Variants in CBFA2T2 observed in about 807,000 individuals in gnomAD.
CBFA2T2 encodes the protein CBFA2/RUNX1 partner transcriptional co-repressor 2.
In CBFA2T2, 11 loss-of-function variants were observed where a neutral mutation model predicts 62.2. The observed-to-expected ratio is 0.18, with a 90% CI of 0.11 to 0.29. CBFA2T2 has a LOEUF of 0.29. Ranked by LOEUF, CBFA2T2 falls within the 10% of genes least tolerant of loss-of-function variation. The pLI, the probability that CBFA2T2 is intolerant of heterozygous loss-of-function variation, is 1.00. For missense variants in CBFA2T2, 592 were observed against 774.1 expected (o/e 0.76, Z 2.79); for synonymous variants, 295 against 287.5 (o/e 1.03, Z -0.27).
chr20:33,522,868 C>T (rs2011771587), intron 1 of CBFA2T2, among the ~76,000 whole-genome samples: 1 of 152,164 alleles, frequency 6.6e-6, no homozygotes, highest in South Asian at 2.1e-4. Context: ...TAAGGTTTAA[C>T]TTCTTCAGCT....
intron 1 of CBFA2T2, among the ~76,000 whole-genome samples, chr20:33,525,416 C>T (rs752153531): frequency 6.6e-6 from 1 of 151,968 alleles, no homozygotes; most frequent in Non-Finnish European, 1.5e-5. Context: ...GAACTCCCGA[C>T]CTCAGGTGAT....
At position 33,629,859 on chromosome 20, in the gene CBFA2T2, G is replaced by C; in HGVS notation, c.1173G>C (p.Gly391=). 3.7e-6 allele frequency: 6 copies of C among 1,614,102 alleles called. No homozygotes were observed. Among genetic ancestry groups the C allele is most frequent in the Non-Finnish European group, 5.1e-6 (6 of 1,180,020 alleles). ...AAAACACAGAGCTGAGGAAAACGGG[G>C]ACCGAGTTGGTCTCCAGGCAGCACA... The part of the protein sequence containing the change: ...YNENTELRKT[G]TELVSRQHSP... The change falls in exon 8 of 11, where the codon GGG becomes GGC. Residue 391 remains glycine (G), a synonymous_variant. Coordinates refer to ENST00000342704, the MANE Select transcript of CBFA2T2 (RefSeq NM_001032999.3).
rs767694148 is a variant in CBFA2T2, at chr20:33,523,685, GT to G, written c.34+33388del. Among the ~76,000 whole-genome samples, 13 of 150,414 alleles carry G rather than the reference GT, an allele frequency of 8.6e-5. No homozygotes were observed. The East Asian group carries it at 2.6e-3, about 30-fold the overall frequency. ...TTATTCCCTATGTGTTGTGTTTTTT[GT>G]TTTGTTTTCTTTTTTTCCCAGGATG... On this transcript the variant is annotated intron_variant, in intron 1 of 10. Coordinates refer to ENST00000342704, the MANE Select transcript of CBFA2T2 (RefSeq NM_001032999.3).
At position 33,649,298 on chromosome 20, in the gene CBFA2T2, C is replaced by G. The variant is rs1290093741; in HGVS notation, c.*4652C>G. On this transcript the variant is annotated 3_prime_UTR_variant, in exon 11 of 11. Transcript: ENST00000342704. ...GTCGAGAGCAGCCCTGCCCAGATTG[C>G]GGTGGGGGCTGTGCCAGCGGCTCCG... is the stretch of plus-strand genomic sequence containing the variant. 6.6e-6 allele frequency: 1 copy of G among 152,632 alleles called. No homozygotes were observed. The allele number at this position is 152,632 out of a possible 1,614,324, so 9.5% of individuals were successfully genotyped here. A position where few individuals can be genotyped will look rare whatever the true frequency, so the allele number is the denominator to read the frequency against.
intron 1 of CBFA2T2, among the ~76,000 whole-genome samples, chr20:33,553,201 C>T (rs1237857372): frequency 6.6e-6 from 1 of 152,008 alleles, no homozygotes; most frequent in Non-Finnish European, 1.5e-5. Flanking sequence ...TGTAAAGCTA[C>T]GTTGTTGCTA....
chr20:33,580,669 G>A (rs1601002590), intron 1 of CBFA2T2, among the ~76,000 whole-genome samples: 1 of 152,108 alleles, frequency 6.6e-6, no homozygotes, highest in African/African-American at 2.4e-5. Context: ...TGTGCAGTGT[G>A]GCAATACCCT....
intron 1 of CBFA2T2, among the ~76,000 whole-genome samples, chr20:33,550,902 C>A (rs563357155): frequency 3.3e-5 from 5 of 152,056 alleles, no homozygotes; most frequent in Non-Finnish European, 2.9e-5. Context: ...GGATTACAAG[C>A]GTGAGCCACC....
At position 33,642,721 on chromosome 20, in the gene CBFA2T2, G is replaced by A. The variant is rs1427982553; in HGVS notation, c.1489-1626G>A. On this transcript the variant is annotated intron_variant, in intron 10 of 10. Coordinates refer to ENST00000342704, the MANE Select transcript of CBFA2T2 (RefSeq NM_001032999.3). ...CTCTTCTCTATGTTTAACTGTGTATGTATAGCCATCCATATCAGTATCTGT... is the reference window on the plus strand; with the variant it reads ...CTCTTCTCTATGTTTAACTGTGTATATATAGCCATCCATATCAGTATCTGT... 2.0e-5 allele frequency among the ~76,000 whole-genome samples: 3 copies of A among 152,264 alleles called. No homozygotes were observed. The East Asian group carries it at 5.8e-4, about 29-fold the overall frequency.
chr20:33,498,439 A>T (rs1446876413), intron 1 of CBFA2T2, among the ~76,000 whole-genome samples: 1 of 150,152 alleles, frequency 6.7e-6, no homozygotes, highest in Non-Finnish European at 1.5e-5. Flanking sequence ...TTTAGTGGAG[A>T]TGGGGGTTTC....
intron 1 of CBFA2T2, among the ~76,000 whole-genome samples, chr20:33,505,389 G>T (rs905680880): frequency 2.0e-5 from 3 of 152,156 alleles, no homozygotes; most frequent in Non-Finnish European, 2.9e-5. Context: ...TTTGAACACT[G>T]TATGTTACCT....
rs1415422154 is a variant in CBFA2T2, at chr20:33,606,865, C to G, written c.35-91C>G. ...TATTCAGCCTATTATACCAAGCAGTCCTCTAGGGAAGTATGTTGGTATTTC... is the reference window on the plus strand; with the variant it reads ...TATTCAGCCTATTATACCAAGCAGTGCTCTAGGGAAGTATGTTGGTATTTC... On this transcript the variant is annotated intron_variant, in intron 1 of 10. Coordinates refer to ENST00000342704, the MANE Select transcript of CBFA2T2 (RefSeq NM_001032999.3). 9 of 1,260,036 alleles carry G rather than the reference C, an allele frequency of 7.1e-6. No homozygotes were observed. In the East Asian group the frequency reaches 2.1e-4, roughly 29 times the overall value. 78.1% of individuals were successfully genotyped at this position (1,260,036 alleles called of 1,614,324 possible).
At chr20:33,568,775 A>G (rs17124773) in intron 1 of CBFA2T2, among the ~76,000 whole-genome samples, 2,241 of 152,212 alleles carry the variant, frequency 0.015, 51 homozygotes, top group African/African-American at 0.052. Context: ...TTACTTCCAT[A>G]TGGGTCTATG....
chr20:33,606,349 C>T (rs1449052618), intron 1 of CBFA2T2, among the ~76,000 whole-genome samples: 1 of 152,142 alleles, frequency 6.6e-6, no homozygotes, highest in Admixed American at 6.6e-5. Context: ...ACCTCTTGAC[C>T]TTGTTTCCTC....
At chr20:33,538,146 A>G (rs2012317842) in intron 1 of CBFA2T2, among the ~76,000 whole-genome samples, 1 of 152,034 alleles carries the variant, frequency 6.6e-6, no homozygotes, top group Non-Finnish European at 1.5e-5. Flanking sequence ...TCTCAGTAGT[A>G]TTTTTGTGTT....
intron 1 of CBFA2T2, among the ~76,000 whole-genome samples, chr20:33,582,890 G>A (rs2014184480): frequency 6.6e-6 from 1 of 151,144 alleles, no homozygotes; most frequent in South Asian, 2.1e-4. Flanking sequence ...TGCAGTGAAC[G>A]AAGATCGCAC....
At position 33,521,507 on chromosome 20, in the gene CBFA2T2, T is replaced by C. The variant is rs1395721801; in HGVS notation, c.34+31206T>C. Among the ~76,000 whole-genome samples, 9 of 152,324 alleles carry C rather than the reference T, an allele frequency of 5.9e-5. No homozygotes were observed. In the East Asian group the frequency reaches 1.3e-3, roughly 23 times the overall value. On this transcript the variant is annotated intron_variant, in intron 1 of 10. Transcript: ENST00000342704. The stretch of plus-strand genomic sequence containing the variant: ...GCATCCTATAGTTTAAAATGGTGTT[T>C]GTTTTAATCTGGGTGATAAGATGGA...
In CBFA2T2 at chr20:33,644,660, C is replaced by T; in HGVS notation, c.*14C>T. The T allele has an allele frequency of 1.3e-6, 2 of 1,584,474 alleles. No homozygotes were observed. The highest frequency in any genetic ancestry group is 1.7e-6 in the Non-Finnish European group (2 of 1,160,384). ...AACGGACTCTGAGCCCCGGACTCTG[C>T]TTACCCTGATGGCTGCTCAGCACCA... On this transcript the variant is annotated 3_prime_UTR_variant, in exon 11 of 11. Coordinates refer to ENST00000342704, the MANE Select transcript of CBFA2T2 (RefSeq NM_001032999.3).
intron 3 of CBFA2T2, 78 bp from the exon 4 acceptor site, chr20:33,619,439 A>G: frequency 1.4e-6 from 1 of 715,792 alleles, no homozygotes; most frequent in Non-Finnish European, 2.2e-6. Context: ...CATTAAAAAA[A>G]AAAAAAAAGA....
intron 1 of CBFA2T2, chr20:33,574,324 T>A: frequency 6.6e-7 from 1 of 1,508,974 alleles, no homozygotes; most frequent in Non-Finnish European, 9.1e-7. Flanking sequence ...TACTCTTCCC[T>A]AGAAACAATT....
Sources: gnomAD v4.1 joint callset for allele counts (sites outside exome capture counted in the v4.1 genomes callset) on GRCh38, gnomAD v4.1.1 for gene constraint, MANE v1.5 for transcripts, NCBI Gene and HGNC (gene_info 2026-07-23, HGNC 2026-07-21) for gene names.